Variants in SAXO1 observed in about 807,000 individuals in gnomAD.
The protein encoded by SAXO1 is 4930500O09Rik.
SAXO1 carries 21 observed loss-of-function variants against 17.5 expected under a neutral mutation model. That is an observed-to-expected ratio of 1.20 (90% CI 0.85 to 1.72). SAXO1 has a LOEUF of 1.72. SAXO1 is among the 40% of genes most tolerant of loss of function. The pLI is 0.00. For missense variants in SAXO1, 843 were observed against 596.0 expected (o/e 1.41, Z -4.32); for synonymous variants, 274 against 216.5 (o/e 1.27, Z -2.33).
At chr9:19,016,234 G>C (rs533503988) in intron 1 of SAXO1, among the ~76,000 whole-genome samples, 1 of 152,118 alleles carries the variant, frequency 6.6e-6, no homozygotes, top group African/African-American at 2.4e-5. Context: ...TCGGGAGTTC[G>C]AGACCGGCCT....
intron 1 of SAXO1, among the ~76,000 whole-genome samples, chr9:18,967,668 T>C (rs1285382255): frequency 6.6e-6 from 1 of 152,184 alleles, no homozygotes; most frequent in East Asian, 1.9e-4. Flanking sequence ...CAGCGGATCT[T>C]AGCTTGTTGG....
chr9:19,039,169 G>A (rs1836016297), intron 1 of SAXO1, among the ~76,000 whole-genome samples: 1 of 151,862 alleles, frequency 6.6e-6, no homozygotes, highest in African/African-American at 2.4e-5. Context: ...TTAGCAAACT[G>A]AAACCAGCAA....
At chr9:19,029,257 G>T (rs780395496) in intron 1 of SAXO1, among the ~76,000 whole-genome samples, 13 of 152,216 alleles carry the variant, frequency 8.5e-5, no homozygotes, top group Non-Finnish European at 1.5e-4. Flanking sequence ...CGGAAGAAGA[G>T]AATGTGAGAG....
At chr9:18,999,325 C>A (rs1431979576) in intron 1 of SAXO1, among the ~76,000 whole-genome samples, 1 of 152,212 alleles carries the variant, frequency 6.6e-6, no homozygotes, top group Non-Finnish European at 1.5e-5. Flanking sequence ...GTGCCTCTGC[C>A]TGGCCACTGC....
chr9:19,017,907 C>G (rs750371035), intron 1 of SAXO1, among the ~76,000 whole-genome samples: 1 of 152,196 alleles, frequency 6.6e-6, no homozygotes, highest in Non-Finnish European at 1.5e-5. Flanking sequence ...GTGGCTCACG[C>G]TTGTAATCCC....
chr9:18,930,954 A>G (rs1831019680), intron 3 of SAXO1, among the ~76,000 whole-genome samples: 1 of 152,238 alleles, frequency 6.6e-6, no homozygotes, highest in African/African-American at 2.4e-5. Context: ...TAGAAAAAAA[A>G]GCTGCTTCCC....
chr9:18,932,402 G>A (rs962089028), intron 3 of SAXO1, among the ~76,000 whole-genome samples: 2 of 152,158 alleles, frequency 1.3e-5, no homozygotes. Flanking sequence ...TTGTCTTTGT[G>A]TCAGTATAAC....
chr9:19,005,627 C>T (rs4593646), intron 1 of SAXO1, among the ~76,000 whole-genome samples: 35,679 of 152,064 alleles, frequency 0.23, 4,958 homozygotes, highest in African/African-American at 0.4. Flanking sequence ...CAAAAACTAA[C>T]TCAAAATGGA....
intron 1 of SAXO1, among the ~76,000 whole-genome samples, chr9:18,984,425 C>G (rs1025756354): frequency 6.6e-6 from 1 of 152,226 alleles, no homozygotes; most frequent in African/African-American, 2.4e-5. Context: ...ACTGTTTCAT[C>G]TACACTGAAA....
At chr9:18,943,299 T>C (rs1010142747) in intron 2 of SAXO1, among the ~76,000 whole-genome samples, 3 of 152,218 alleles carry the variant, frequency 2.0e-5, no homozygotes, top group Non-Finnish European at 4.4e-5. Flanking sequence ...ACATTCAGCC[T>C]GGGCTCCCTT....
intron 1 of SAXO1, among the ~76,000 whole-genome samples, chr9:18,959,557 G>A (rs1832400302): frequency 6.6e-6 from 1 of 152,108 alleles, no homozygotes; most frequent in African/African-American, 2.4e-5. Context: ...GATCACCTGA[G>A]GTCAGGAGTT....
intron 1 of SAXO1, among the ~76,000 whole-genome samples, chr9:18,965,167 T>C (rs1230459646): frequency 2.6e-5 from 4 of 152,234 alleles, no homozygotes; most frequent in Non-Finnish European, 5.9e-5. Context: ...AGAAGTGTTT[T>C]ACTTCCAATT....
At chr9:19,020,667 T>A (rs1835191499) in intron 1 of SAXO1, among the ~76,000 whole-genome samples, 1 of 152,142 alleles carries the variant, frequency 6.6e-6, no homozygotes, top group Non-Finnish European at 1.5e-5. Context: ...CCAAGATAAT[T>A]TTGAATCTTC....
intron 1 of SAXO1, among the ~76,000 whole-genome samples, chr9:19,018,538 G>T (rs1835090437): frequency 6.6e-6 from 1 of 152,222 alleles, no homozygotes. Context: ...TTGGAAGCCT[G>T]AAATACATTT....
intron 1 of SAXO1, among the ~76,000 whole-genome samples, chr9:19,046,828 T>C (rs1441737558): frequency 1.3e-5 from 2 of 152,138 alleles, no homozygotes; most frequent in Non-Finnish European, 2.9e-5. Context: ...ATCTCACCAC[T>C]GCACTCCAGC....
chr9:18,957,430 C>T lies in SAXO1; in HGVS notation c.39-6493G>A, dbSNP rs190488375. Among the ~76,000 whole-genome samples the T allele has an allele frequency of 4.6e-5, 7 of 152,312 alleles. No homozygotes were observed. The East Asian group carries it at 7.7e-4, about 17-fold the overall frequency. ...CACAGCTGGTCAGCAGCAGCCTTCACGCCAGGGCCCAATCACCTCCCACAT... is the reference window on the plus strand; with the variant it reads ...CACAGCTGGTCAGCAGCAGCCTTCATGCCAGGGCCCAATCACCTCCCACAT... On this transcript the variant is annotated intron_variant, in intron 1 of 3. Coordinates refer to ENST00000380534, the MANE Select transcript of SAXO1 (RefSeq NM_153707.4).
chr9:19,030,924 G>C (rs1301243735), intron 1 of SAXO1, among the ~76,000 whole-genome samples: 9 of 152,120 alleles, frequency 5.9e-5, no homozygotes, highest in Non-Finnish European at 1.3e-4. Context: ...GAATTCAGAA[G>C]ACAGGAGAAA....
chr9:18,953,410 T>G (rs1034541836), intron 1 of SAXO1, among the ~76,000 whole-genome samples: 1 of 152,192 alleles, frequency 6.6e-6, no homozygotes, highest in African/African-American at 2.4e-5. Flanking sequence ...ATGATTGGCA[T>G]CATGAAAGGA....
intron 1 of SAXO1, among the ~76,000 whole-genome samples, chr9:18,974,530 T>C (rs1342796814): frequency 6.6e-6 from 1 of 152,176 alleles, no homozygotes; most frequent in African/African-American, 2.4e-5. Flanking sequence ...GCCTGGAACA[T>C]CTTGTGTCAG....
Sources: gnomAD v4.1 joint callset for allele counts (sites outside exome capture counted in the v4.1 genomes callset) on GRCh38, gnomAD v4.1.1 for gene constraint, MANE v1.5 for transcripts, NCBI Gene and HGNC (gene_info 2026-07-23, HGNC 2026-07-21) for gene names.